Variants in LRRC49 observed in about 807,000 individuals in gnomAD.
The protein encoded by LRRC49 is leucine-rich repeat-containing protein 49.
Under a neutral mutation model 83.3 loss-of-function variants are expected in LRRC49, and 50 were observed. The ratio of observed to expected loss-of-function variants is 0.60; its 90% CI spans 0.48 to 0.76. The LOEUF (loss-of-function observed/expected upper bound fraction) is 0.76, where lower values mean the gene tolerates loss of function less well. Ranked by LOEUF, LRRC49 falls within the 30% of genes least tolerant of loss-of-function variation. The pLI, the probability that LRRC49 is intolerant of heterozygous loss-of-function variation, is 0.00. For missense variants in LRRC49, 704 were observed against 809.1 expected (o/e 0.87, Z 1.58); for synonymous variants, 286 against 283.3 (o/e 1.01, Z -0.10).
At chr15:70,901,161 T>A (rs1036101906) in intron 4 of LRRC49, 137 bp downstream of exon 4, 8 of 555,558 alleles carry the variant, frequency 1.4e-5, no homozygotes, top group African/African-American at 2.0e-5. Flanking sequence ...ATAATTTTTT[T>A]AACCAGTTTT....
intron 1 of LRRC49, among the ~76,000 whole-genome samples, chr15:70,853,691 G>A (rs545371462): frequency 6.6e-6 from 1 of 152,136 alleles, no homozygotes. Flanking sequence ...GTTGGGCGAC[G>A]AAGCTGCGGG....
chr15:70,860,549 G>T (rs928058225), intron 1 of LRRC49, among the ~76,000 whole-genome samples: 3 of 152,114 alleles, frequency 2.0e-5, no homozygotes, highest in Non-Finnish European at 4.4e-5. Context: ...CAAGTAGCTG[G>T]GACTACAGGC....
At chr15:70,930,702 C>T (rs1242188797) in intron 7 of LRRC49, among the ~76,000 whole-genome samples, 1 of 152,198 alleles carries the variant, frequency 6.6e-6, no homozygotes, top group Non-Finnish European at 1.5e-5. Flanking sequence ...GTTATCTTAG[C>T]TGGATTATCT....
In LRRC49 at chr15:70,964,662, C is replaced by A. The variant is rs537735271; in HGVS notation, c.921+730C>A. Reference sequence around the variant, plus strand: ...AATGTGTATTAGCATATTATAGGATCCAAGAAGTTCTGTAATTAAATAAAC... The same window carrying A: ...AATGTGTATTAGCATATTATAGGATACAAGAAGTTCTGTAATTAAATAAAC... On this transcript the variant is annotated intron_variant, in intron 9 of 15. Coordinates refer to ENST00000260382, the MANE Select transcript of LRRC49 (RefSeq NM_017691.5). Among the ~76,000 whole-genome samples the A allele has an allele frequency of 2.6e-5, 4 of 152,102 alleles. No homozygotes were observed. The South Asian group carries it at 6.2e-4, about 24-fold the overall frequency.
upstream of LRRC49, chr15:70,892,346 C>G (rs765345596): frequency 2.5e-5 from 39 of 1,548,654 alleles, no homozygotes; most frequent in Non-Finnish European, 3.4e-5. Flanking sequence ...GCAGCGGCCT[C>G]GGCGAGGCAA....
rs73447522 is a variant in LRRC49, at chr15:71,010,212, A to G, written c.1593+220A>G. On this transcript the variant is annotated intron_variant, in intron 13 of 15. Transcript: ENST00000260382. ...AATAAAATAGTAACCAGGTTATAGT[A>G]AATGGCAAATACTTATACTGTTGTT... is the stretch of plus-strand genomic sequence containing the variant. Among the ~76,000 whole-genome samples the G allele has an allele frequency of 2.2e-3, 332 of 152,182 alleles. 2 individuals are homozygous for G. The highest frequency in any genetic ancestry group is 7.7e-3 in the African/African-American group (319 of 41,576).
intron 9 of LRRC49, among the ~76,000 whole-genome samples, chr15:70,969,365 T>C (rs561481176): frequency 4.7e-4 from 72 of 152,118 alleles, no homozygotes; most frequent in Non-Finnish European, 8.5e-4. Flanking sequence ...TACCAGTACC[T>C]TGTTGTTTTG....
At chr15:70,863,026 C>T (rs1231711140) in intron 1 of LRRC49, among the ~76,000 whole-genome samples, 19 of 152,184 alleles carry the variant, frequency 1.2e-4, no homozygotes, top group Admixed American at 1.2e-3. Flanking sequence ...CAAGCTGTCA[C>T]CCTGGCCTCA....
At chr15:71,005,223 C>G (rs1047245731) in intron 11 of LRRC49, among the ~76,000 whole-genome samples, 2 of 152,092 alleles carry the variant, frequency 1.3e-5, no homozygotes. Context: ...CTATTTATCT[C>G]TCAAGGATCA....
At chr15:71,023,779 G>A (rs1484398823) in intron 14 of LRRC49, among the ~76,000 whole-genome samples, 3 of 152,238 alleles carry the variant, frequency 2.0e-5, no homozygotes, top group Non-Finnish European at 2.9e-5. Flanking sequence ...CAGATTCTCA[G>A]TGACCACTCG....
chr15:70,862,777 C>A (rs1165803838), intron 1 of LRRC49, among the ~76,000 whole-genome samples: 4 of 152,124 alleles, frequency 2.6e-5, no homozygotes, highest in Non-Finnish European at 5.9e-5. Context: ...TCTGGAGACT[C>A]AGGCTAGTGG....
chr15:70,888,690 G>A (rs2033473374), upstream of LRRC49, among the ~76,000 whole-genome samples: 1 of 152,150 alleles, frequency 6.6e-6, no homozygotes, highest in Admixed American at 6.5e-5. Flanking sequence ...AACCCATAGT[G>A]GGAGAAGATA....
chr15:70,991,809 C>T (rs1009775213), intron 11 of LRRC49, among the ~76,000 whole-genome samples: 20 of 152,210 alleles, frequency 1.3e-4, no homozygotes, highest in African/African-American at 3.4e-4. Context: ...ATAGCTTTTA[C>T]TTCAGGTTTT....
intron 1 of LRRC49, chr15:70,859,160 C>T: frequency 7.0e-7 from 1 of 1,422,488 alleles, no homozygotes; most frequent in Non-Finnish European, 9.9e-7. Context: ...CCTTAGGTGG[C>T]AGCTGGAGAC....
intron 14 of LRRC49, among the ~76,000 whole-genome samples, chr15:71,024,615 A>G (rs568096289): frequency 6.6e-6 from 1 of 152,304 alleles, no homozygotes; most frequent in South Asian, 2.1e-4. Flanking sequence ...CAGCAGCCTC[A>G]AAGATCGAAG....
chr15:70,943,449 T>G (rs2035894075), intron 8 of LRRC49, among the ~76,000 whole-genome samples: 1 of 152,116 alleles, frequency 6.6e-6, no homozygotes, highest in Non-Finnish European at 1.5e-5. Context: ...ACTTGAGAGA[T>G]CAAGTGCCCA....
At chr15:70,966,058 A>G (rs2036783157) in intron 9 of LRRC49, among the ~76,000 whole-genome samples, 1 of 152,170 alleles carries the variant, frequency 6.6e-6, no homozygotes, top group Admixed American at 6.6e-5. Context: ...AGTAGTTGCT[A>G]TGGATACTAT....
At chr15:70,886,244 G>A (rs1212112508) in intron 2 of LRRC49, among the ~76,000 whole-genome samples, 1 of 152,030 alleles carries the variant, frequency 6.6e-6, no homozygotes, top group Non-Finnish European at 1.5e-5. Flanking sequence ...CTTAATTTAG[G>A]TTAGAATTAT....
intron 9 of LRRC49, among the ~76,000 whole-genome samples, chr15:70,969,411 T>G (rs1329695865): frequency 6.6e-6 from 1 of 152,216 alleles, no homozygotes; most frequent in African/African-American, 2.4e-5. Flanking sequence ...TGAAGTCAGG[T>G]AGCATGATGC....
Sources: gnomAD v4.1 joint callset for allele counts (sites outside exome capture counted in the v4.1 genomes callset) on GRCh38, gnomAD v4.1.1 for gene constraint, MANE v1.5 for transcripts, NCBI Gene and HGNC (gene_info 2026-07-23, HGNC 2026-07-21) for gene names.